Variants in THSD4 observed in about 807,000 individuals in gnomAD.
The protein encoded by THSD4 is thrombospondin type-1 domain-containing protein 4.
A neutral mutation model predicts 119.0 loss-of-function variants in THSD4; 69 were observed. That is an observed-to-expected ratio of 0.58 (90% CI 0.48 to 0.71). THSD4 has a LOEUF of 0.71. Among genes scored for constraint, THSD4 ranks in the 30% least tolerant of loss-of-function variants. The pLI is 0.00. For synonymous variants in THSD4, 524 were observed against 540.4 expected (o/e 0.97, Z 0.42); for missense variants, 1,393 against 1,391.1 (o/e 1.00, Z -0.02).
At chr15:71,387,839 A>G (rs2046315056) in intron 6 of THSD4, among the ~76,000 whole-genome samples, 3 of 152,218 alleles carry the variant, frequency 2.0e-5, no homozygotes, top group South Asian at 4.1e-4. Context: ...TTCTCAGCCC[A>G]GAACCCCTCT....
At chr15:71,146,492 T>G (rs2040663064) in intron 2 of THSD4, among the ~76,000 whole-genome samples, 1 of 151,988 alleles carries the variant, frequency 6.6e-6, no homozygotes, top group Non-Finnish European at 1.5e-5. Context: ...ATTGAAACTT[T>G]CCAAAGCAAT....
chr15:71,374,454 A>G (rs1429610883), intron 6 of THSD4, among the ~76,000 whole-genome samples: 1 of 152,212 alleles, frequency 6.6e-6, no homozygotes, highest in Non-Finnish European at 1.5e-5. Flanking sequence ...GCTATATATG[A>G]ATAATTGGAT....
intron 11 of THSD4, among the ~76,000 whole-genome samples, chr15:71,741,114 T>A (rs1446689156): frequency 6.6e-6 from 1 of 152,228 alleles, no homozygotes; most frequent in East Asian, 1.9e-4. Flanking sequence ...ACATCTTTAT[T>A]GTATCCTAGA....
chr15:71,537,030 T>TC (rs778763443), intron 7 of THSD4, among the ~76,000 whole-genome samples: 17 of 152,322 alleles, frequency 1.1e-4, no homozygotes, highest in Non-Finnish European at 2.5e-4. Context: ...ATCTAGGACC[T>TC]CCCCTACGGT....
intron 1 of THSD4, among the ~76,000 whole-genome samples, chr15:71,107,634 A>G (rs2040279690): frequency 6.6e-6 from 1 of 152,210 alleles, no homozygotes; most frequent in Non-Finnish European, 1.5e-5. Context: ...GTTCTTGCTC[A>G]TGTTTGCCTC....
intron 7 of THSD4, among the ~76,000 whole-genome samples, chr15:71,507,772 AGGT>A (rs2048212818): frequency 6.6e-6 from 1 of 152,214 alleles, no homozygotes; most frequent in African/African-American, 2.4e-5. Flanking sequence ...TGTCTTTGAC[AGGT>A]ATCAGAAAGC....
intron 7 of THSD4, among the ~76,000 whole-genome samples, chr15:71,423,321 C>T (rs2046831590): frequency 6.6e-6 from 1 of 152,196 alleles, no homozygotes; most frequent in Non-Finnish European, 1.5e-5. Flanking sequence ...GCTAGCAGAT[C>T]TCAGAGTCTT....
chr15:71,774,602 A>G (rs1312414776), intron 17 of THSD4, among the ~76,000 whole-genome samples: 1 of 152,076 alleles, frequency 6.6e-6, no homozygotes, highest in Non-Finnish European at 1.5e-5. Context: ...TACTAAAAAT[A>G]TGCTTTCAAA....
At chr15:71,304,573 C>T (rs1162452141) in intron 6 of THSD4, among the ~76,000 whole-genome samples, 3 of 152,052 alleles carry the variant, frequency 2.0e-5, no homozygotes, top group African/African-American at 7.2e-5. Flanking sequence ...TTTCCCCAAT[C>T]GGAAGATTCG....
intron 13 of THSD4, among the ~76,000 whole-genome samples, chr15:71,747,796 G>A (rs1306026997): frequency 6.6e-6 from 1 of 152,216 alleles, no homozygotes; most frequent in East Asian, 1.9e-4. Flanking sequence ...TAATCAGTAT[G>A]TCAACAGTTT....
intron 7 of THSD4, among the ~76,000 whole-genome samples, chr15:71,611,702 G>T (rs2050232728): frequency 6.6e-6 from 1 of 152,240 alleles, no homozygotes. Context: ...AAAGGTTTCA[G>T]AGAACATGAC....
At chr15:71,482,542 G>A (rs544897628) in intron 7 of THSD4, among the ~76,000 whole-genome samples, 35 of 151,414 alleles carry the variant, frequency 2.3e-4, no homozygotes, top group African/African-American at 6.1e-4. Flanking sequence ...TGCCTGCCTC[G>A]GCCTCCCAAA....
At chr15:71,420,238 T>G (rs1327638677) in intron 7 of THSD4, among the ~76,000 whole-genome samples, 2 of 108,682 alleles carry the variant, frequency 1.8e-5, no homozygotes, top group African/African-American at 6.2e-5. Flanking sequence ...ACATTCTTTG[T>G]CTCTTTTTAT....
At chr15:71,348,735 A>G (rs1195504801) in intron 6 of THSD4, among the ~76,000 whole-genome samples, 1 of 152,246 alleles carries the variant, frequency 6.6e-6, no homozygotes, top group East Asian at 1.9e-4. Context: ...ACTGTTAGCA[A>G]AAACCAAATT....
intron 10 of THSD4, 181 bp downstream of exon 10, chr15:71,731,398 A>T: frequency 5.0e-6 from 3 of 604,340 alleles, no homozygotes; most frequent in East Asian, 5.7e-5. Context: ...CTGAGCCTTC[A>T]CTGATGAGAC....
At position 71,547,625 on chromosome 15, in the gene THSD4, G is replaced by C. The variant is rs1165148916; in HGVS notation, c.1153-112905G>C. On this transcript the variant is annotated intron_variant, in intron 7 of 17. Coordinates refer to ENST00000261862, the MANE Select transcript of THSD4 (RefSeq NM_024817.3). The stretch of plus-strand genomic sequence containing the variant: ...TATATTACTTTTGTAGGCTTCTCTT[G>C]CCTTTTCTTATATGAAGACTTCTTT... 4 of 940,312 alleles carry C rather than the reference G, an allele frequency of 4.3e-6. No homozygotes were observed. In the East Asian group the frequency reaches 8.8e-5, roughly 21 times the overall value. 58.2% of individuals were successfully genotyped at this position (940,312 alleles called of 1,614,324 possible).
intron 8 of THSD4, among the ~76,000 whole-genome samples, chr15:71,699,935 A>T (rs1396702717): frequency 2.0e-5 from 3 of 152,226 alleles, no homozygotes; most frequent in African/African-American, 7.2e-5. Context: ...TGTACAAATT[A>T]ATAAAAAGCT....
intron 11 of THSD4, among the ~76,000 whole-genome samples, chr15:71,741,371 T>C (rs1396255454): frequency 6.6e-6 from 1 of 152,042 alleles, no homozygotes; most frequent in Non-Finnish European, 1.5e-5. Flanking sequence ...TGCATGCATG[T>C]AATCCCAGCT....
chr15:71,400,201 A>G (rs753969025), intron 6 of THSD4, among the ~76,000 whole-genome samples: 3 of 152,126 alleles, frequency 2.0e-5, no homozygotes, highest in Non-Finnish European at 4.4e-5. Context: ...TTAAATTCCA[A>G]GTGTGGGATG....
Sources: allele counts gnomAD v4.1 joint callset (sites outside exome capture counted in the v4.1 genomes callset), GRCh38; gene constraint gnomAD v4.1.1; transcripts MANE v1.5; gene names NCBI Gene and HGNC (gene_info 2026-07-23, HGNC 2026-07-21).